The following LDLRAD3 variants were observed in gnomAD, a reference collection of about 807,000 sequenced individuals.
LDLRAD3 encodes the protein low-density lipoprotein receptor class A domain-containing protein 3.
A neutral mutation model predicts 29.4 loss-of-function variants in LDLRAD3; 20 were observed. The ratio of observed to expected loss-of-function variants is 0.68; its 90% CI spans 0.48 to 0.99. The LOEUF (loss-of-function observed/expected upper bound fraction) is 0.99. Ranked by LOEUF, LDLRAD3 falls within the 50% of genes least tolerant of loss-of-function variation. The pLI is 0.00. For missense variants in LDLRAD3, 420 were observed against 454.3 expected (o/e 0.92, Z 0.69); for synonymous variants, 157 against 192.7 (o/e 0.81, Z 1.53).
chr11:35,950,943 A>C (rs183891149), intron 1 of LDLRAD3, among the ~76,000 whole-genome samples: 1 of 151,986 alleles, frequency 6.6e-6, no homozygotes, highest in African/African-American at 2.4e-5. Flanking sequence ...GTTAGCCGGG[A>C]GTGGTGGCAC....
intron 4 of LDLRAD3, among the ~76,000 whole-genome samples, chr11:36,154,002 G>A (rs1228256871): frequency 6.6e-6 from 1 of 152,098 alleles, no homozygotes; most frequent in Non-Finnish European, 1.5e-5. Flanking sequence ...TGGGGGAGTT[G>A]GAGAGGCACC....
At chr11:36,150,838 T>G (rs1055044850) in intron 4 of LDLRAD3, among the ~76,000 whole-genome samples, 1 of 152,198 alleles carries the variant, frequency 6.6e-6, no homozygotes, top group African/African-American at 2.4e-5. Context: ...GCCCAAATTC[T>G]GGCCTTCTCT....
At chr11:35,950,061 G>C (rs142445443) in intron 1 of LDLRAD3, among the ~76,000 whole-genome samples, 206 of 152,298 alleles carry the variant, frequency 1.4e-3, no homozygotes, top group Non-Finnish European at 2.3e-3. Context: ...TATTTCCAGG[G>C]GTAGGCGAAG....
chr11:36,013,094 A>C (rs528449313), intron 1 of LDLRAD3, among the ~76,000 whole-genome samples: 1 of 152,326 alleles, frequency 6.6e-6, no homozygotes, highest in Admixed American at 6.5e-5. Context: ...CAACCTGAGA[A>C]ATATTTTGTT....
At chr11:36,170,985 A>G (rs1259675283) in intron 4 of LDLRAD3, among the ~76,000 whole-genome samples, 1 of 152,096 alleles carries the variant, frequency 6.6e-6, no homozygotes, top group Non-Finnish European at 1.5e-5. Context: ...TATTTTTAGT[A>G]GAGACAGGGT....
intron 2 of LDLRAD3, among the ~76,000 whole-genome samples, chr11:36,070,773 G>T (rs781141534): frequency 6.6e-6 from 1 of 152,150 alleles, no homozygotes; most frequent in South Asian, 2.1e-4. Flanking sequence ...GCTGCAGGTG[G>T]ATCACTGACT....
At chr11:36,062,243 A>G (rs899084502) in intron 2 of LDLRAD3, among the ~76,000 whole-genome samples, 10 of 152,226 alleles carry the variant, frequency 6.6e-5, no homozygotes, top group African/African-American at 2.4e-4. Flanking sequence ...TATAGCCCAT[A>G]TGATATAGAA....
chr11:36,008,345 A>G (rs573667139), intron 1 of LDLRAD3, among the ~76,000 whole-genome samples: 1 of 152,262 alleles, frequency 6.6e-6, no homozygotes, highest in African/African-American at 2.4e-5. Flanking sequence ...TACCTCAAGG[A>G]AAGCCTCCTC....
intron 4 of LDLRAD3, among the ~76,000 whole-genome samples, chr11:36,128,136 G>GTATATATATATATGTATATATATATA (rs1565242649): frequency 2.1e-5 from 2 of 93,882 alleles, no homozygotes; most frequent in Non-Finnish European, 4.5e-5. Context: ...ATATATATAT[G>GTATATATATATATGTATATATATATA]TATATGACAT....
At chr11:36,022,980 TTTG>T (rs1054830741) in intron 1 of LDLRAD3, among the ~76,000 whole-genome samples, 1 of 152,158 alleles carries the variant, frequency 6.6e-6, no homozygotes, top group African/African-American at 2.4e-5. Flanking sequence ...ACAAACATCA[TTTG>T]CTCAAGAAGT....
chr11:36,109,247 G>A (rs4756277), intron 4 of LDLRAD3, among the ~76,000 whole-genome samples: 24,868 of 152,118 alleles, frequency 0.16, 2,356 homozygotes, highest in Admixed American at 0.25. Flanking sequence ...AGAACAGCCT[G>A]CAGGGAAGCT....
intron 1 of LDLRAD3, among the ~76,000 whole-genome samples, chr11:36,009,200 T>C (rs1472782251): frequency 1.3e-5 from 2 of 152,220 alleles, no homozygotes; most frequent in Admixed American, 1.3e-4. Context: ...ACCTTTCTCT[T>C]CCTGGAACTT....
At chr11:36,032,965 C>T (rs557618665) in intron 1 of LDLRAD3, among the ~76,000 whole-genome samples, 1 of 152,012 alleles carries the variant, frequency 6.6e-6, no homozygotes, top group Admixed American at 6.5e-5. Context: ...ACCTCTGCCT[C>T]CCGGGTTCAA....
At chr11:36,193,483 C>T (rs1046069565) in intron 4 of LDLRAD3, among the ~76,000 whole-genome samples, 2 of 152,134 alleles carry the variant, frequency 1.3e-5, no homozygotes, top group East Asian at 1.9e-4. Context: ...GTTAGAAGAT[C>T]GAAACACCCC....
At chr11:36,015,044 A>G (rs1048995718) in intron 1 of LDLRAD3, among the ~76,000 whole-genome samples, 4 of 152,008 alleles carry the variant, frequency 2.6e-5, no homozygotes, top group African/African-American at 9.7e-5. Flanking sequence ...GCAGTCCCCT[A>G]CTCCCTGTTC....
intron 4 of LDLRAD3, among the ~76,000 whole-genome samples, chr11:36,105,238 T>TGTGTGTGTGTGTGTGAGAGA (rs1343780985): frequency 5.5e-5 from 7 of 128,426 alleles, no homozygotes; most frequent in Non-Finnish European, 9.8e-5. Flanking sequence ...TGTGTGTGTG[T>TGTGTGTGTGTGTGTGAGAGA]GAGAGAGAGA....
chr11:36,145,804 G>C (rs12222730), intron 4 of LDLRAD3, among the ~76,000 whole-genome samples: 26,216 of 148,784 alleles, frequency 0.18, 2,744 homozygotes, highest in East Asian at 0.32. Flanking sequence ...ATGCTTGAAG[G>C]CAGCATGCTG....
intron 1 of LDLRAD3, among the ~76,000 whole-genome samples, chr11:35,956,983 T>A (rs1851208997): frequency 1.3e-5 from 2 of 152,202 alleles, no homozygotes; most frequent in African/African-American, 4.8e-5. Context: ...GATCCGCCTG[T>A]CTCGGCCTCC....
intron 2 of LDLRAD3, among the ~76,000 whole-genome samples, chr11:36,045,976 C>A (rs570816036): frequency 6.6e-6 from 1 of 152,042 alleles, no homozygotes; most frequent in African/African-American, 2.4e-5. Context: ...TCCCCCACCC[C>A]CAACAGGCCC....
Sources: allele counts gnomAD v4.1 joint callset (sites outside exome capture counted in the v4.1 genomes callset), GRCh38; gene constraint gnomAD v4.1.1; transcripts MANE v1.5; gene names NCBI Gene and HGNC (gene_info 2026-07-23, HGNC 2026-07-21).